SLC9A1: variants seen among roughly 807,000 people sequenced by gnomAD.
The protein encoded by SLC9A1 is sodium/hydrogen exchanger 1.
SLC9A1 carries 22 observed loss-of-function variants against 67.9 expected under a neutral mutation model. The ratio of observed to expected loss-of-function variants is 0.32; its 90% CI spans 0.23 to 0.46. SLC9A1 has a LOEUF of 0.46. Among genes scored for constraint, SLC9A1 ranks in the 20% least tolerant of loss-of-function variants. SLC9A1 has a pLI of 1.00. For synonymous variants in SLC9A1, 421 were observed against 471.8 expected, an observed-to-expected ratio of 0.89 and a Z score of 1.40; for missense variants, 686 against 1,094.8, an observed-to-expected ratio of 0.63 and a Z score of 5.27.
intron 1 of SLC9A1, among the ~76,000 whole-genome samples, chr1:27,131,978 A>ATATATATATATATATATATATAT (rs1491404048): frequency 1.4e-5 from 2 of 142,078 alleles, no homozygotes; most frequent in Admixed American, 7.0e-5. Context: ...ATATATATAT[A>ATATATATATATATATATATATAT]AAATTATGGC....
At chr1:27,107,496 A>C in intron 4 of SLC9A1, 152 bp downstream of exon 4, 1 of 656,038 alleles carries the variant, frequency 1.5e-6, no homozygotes, top group Non-Finnish European at 2.7e-6. Context: ...CCCTCCACAC[A>C]ATACTTATAC....
In SLC9A1 at chr1:27,102,355, C is replaced by G. The variant is rs769878515; in HGVS notation, c.1820+30G>C. On this transcript the variant is annotated intron_variant, in intron 8 of 11. Transcript: ENST00000263980. ...GGCTTGAGGGGCCGGTGTGTGGGAG[C>G]AGAAGCTGCCTGGTTGCCCCAGCAC... is the stretch of plus-strand genomic sequence containing the variant. 4 of 1,563,106 alleles carry G rather than the reference C, an allele frequency of 2.6e-6. No individual in the cohort carries two copies. In the African/African-American group the frequency reaches 5.4e-5, roughly 21 times the overall value.
At chr1:27,103,407 G>C in intron 5 of SLC9A1, 95 bp from the exon 6 acceptor site, 2 of 869,426 alleles carry the variant, frequency 2.3e-6, no homozygotes, top group Non-Finnish European at 4.0e-6. Context: ...CCAAGGCTAG[G>C]ATGCCCTCTC....
chr1:27,111,190 G>A lies in SLC9A1; in HGVS notation c.814-1413C>T, dbSNP rs564293446. 9.2e-5 allele frequency among the ~76,000 whole-genome samples: 14 copies of A among 152,242 alleles called. No individual in the cohort carries two copies. The East Asian group carries it at 1.4e-3, about 15-fold the overall frequency. On this transcript the variant is annotated intron_variant, in intron 2 of 11. Transcript: ENST00000263980. ...CGGCAGACAGCCTCTTAGCAGGTGC[G>A]TACTCAGCCGTGGGCTAAACTCATT... is the stretch of plus-strand genomic sequence containing the variant.
Position 27,102,549 on chromosome 1 carries a change from C to T in SLC9A1, c.1656G>A (p.Arg552=), listed in dbSNP as rs1570843114. 6.2e-7 allele frequency: 1 copy of T among 1,607,172 alleles called. No homozygotes were observed. Among genetic ancestry groups the T allele is most frequent in the Non-Finnish European group, 8.5e-7 (1 of 1,174,728 alleles). ...GHHHWKDKLN[R]FNKKYVKKCL... ...ACTTCTTCACATATTTCTTATTAAA[C>T]CGGTTGAGCCTGGTGGGAGGAGGAG... Residue 552 remains arginine, a synonymous_variant, in exon 8 of 12, where the codon CGG becomes CGA. Coordinates refer to ENST00000263980, the MANE Select transcript of SLC9A1 (RefSeq NM_003047.5).
chr1:27,101,795 G>C lies in SLC9A1; in HGVS notation c.1967C>G (p.Ala656Gly). 1 of 1,612,638 alleles carries C rather than the reference G, an allele frequency of 6.2e-7. No homozygotes were observed. The change falls in exon 10 of 12, where the codon GCA becomes GGA. Residue 656 changes from alanine (A) to glycine (G), a missense_variant. By Grantham distance (60) the Ala-to-Gly change is moderately conservative. Around this residue, in one of 7 missense-constraint regions of SLC9A1, gnomAD observed 226 missense variants for 282.4 expected, o/e 0.80. Coordinates refer to ENST00000263980, the MANE Select transcript of SLC9A1 (RefSeq NM_003047.5). The surrounding 1 kb of genome is among the most constrained non-coding windows in gnomAD (Gnocchi z 4.9). ...GTTCCAGGCTTCCTCGTAGGGGTCT[G>C]CCACCAGCGTGTGTCTGTTGTAGGA... ...LRSYNRHTLV[A>G]DPYEEAWNQM...
intron 1 of SLC9A1, among the ~76,000 whole-genome samples, chr1:27,126,554 G>A (rs979704665): frequency 2.0e-5 from 3 of 152,194 alleles, no homozygotes; most frequent in African/African-American, 7.2e-5. Context: ...GTGGCCTGCA[G>A]AGCCTGGGAC....
chr1:27,102,060 TCTC>T lies in SLC9A1; in HGVS notation c.1888_1890del (p.Glu630del), dbSNP rs2083150031. On this transcript the variant is annotated inframe_deletion, in exon 9 of 12. Coordinates refer to ENST00000263980, the MANE Select transcript of SLC9A1 (RefSeq NM_003047.5). ...AAGTTGTTCCTCAGGATTTTGCGGA[TCTC>T]CTCCTCCTTGTCCTTGGACAGTGCT... 1 of 1,614,004 alleles carries T rather than the reference TCTC, an allele frequency of 6.2e-7. No homozygotes were observed. Among genetic ancestry groups the T allele is most frequent in the Non-Finnish European group, 8.5e-7 (1 of 1,179,966 alleles).
intron 1 of SLC9A1, among the ~76,000 whole-genome samples, chr1:27,148,129 T>C (rs912382034): frequency 1.3e-5 from 2 of 152,188 alleles, no homozygotes; most frequent in South Asian, 2.1e-4. Context: ...ATGTTTTCCA[T>C]TGTAATCATT....
chr1:27,139,984 G>A (rs2083444163), intron 1 of SLC9A1, among the ~76,000 whole-genome samples: 1 of 151,946 alleles, frequency 6.6e-6, no homozygotes, highest in South Asian at 2.1e-4. Flanking sequence ...GTAGAGATGA[G>A]CTTTCACCAT....
intron 1 of SLC9A1, among the ~76,000 whole-genome samples, chr1:27,123,662 C>G (rs2083320566): frequency 6.6e-6 from 1 of 150,888 alleles, no homozygotes; most frequent in South Asian, 2.1e-4. Flanking sequence ...AGGTGCCCAC[C>G]ACCACACCTG....
At chr1:27,113,772 C>G in intron 2 of SLC9A1, 54 bp downstream of exon 2, 1 of 1,356,888 alleles carries the variant, frequency 7.4e-7, no homozygotes, top group Non-Finnish European at 1.0e-6. Context: ...CACTGGTGGG[C>G]CTGGATTTGG....
At chr1:27,127,094 G>T (rs747329297) in intron 1 of SLC9A1, among the ~76,000 whole-genome samples, 1 of 152,120 alleles carries the variant, frequency 6.6e-6, no homozygotes, top group Non-Finnish European at 1.5e-5. Context: ...TTGACTTCCT[G>T]GGCTCAAGTG....
At position 27,101,666 on chromosome 1, in the gene SLC9A1, G is replaced by T. The variant is rs950418727; in HGVS notation, c.2037+59C>A. The T allele has an allele frequency of 5.7e-6, 7 of 1,218,420 alleles. No individual in the cohort carries two copies. The highest frequency in any genetic ancestry group is 8.4e-6 in the Non-Finnish European group (7 of 836,054). 75.5% of individuals were successfully genotyped at this position (1,218,420 alleles called of 1,614,324 possible). Reference sequence around the variant, plus strand: ...GAATGGGTACATTTCCTTAGAGGCTGTGGCGGAGCTTGGGCGAGTGGGGTG... The same window carrying T: ...GAATGGGTACATTTCCTTAGAGGCTTTGGCGGAGCTTGGGCGAGTGGGGTG... On this transcript the variant is annotated intron_variant, in intron 10 of 11. Coordinates refer to ENST00000263980, the MANE Select transcript of SLC9A1 (RefSeq NM_003047.5). The surrounding 1 kb of genome is among the most constrained non-coding windows in gnomAD (Gnocchi z 4.9).
chr1:27,117,276 C>T (rs941097083), intron 1 of SLC9A1, among the ~76,000 whole-genome samples: 2 of 152,206 alleles, frequency 1.3e-5, no homozygotes, highest in Non-Finnish European at 2.9e-5. Flanking sequence ...AGCACCTTCC[C>T]AAGGCCGGAA....
intron 1 of SLC9A1, among the ~76,000 whole-genome samples, chr1:27,152,237 G>A (rs2083533409): frequency 6.6e-6 from 1 of 152,194 alleles, no homozygotes. Context: ...AGGCCTGCAG[G>A]GACAAACTTC....
intron 1 of SLC9A1, among the ~76,000 whole-genome samples, chr1:27,142,897 C>T (rs1270373186): frequency 6.6e-6 from 1 of 152,052 alleles, no homozygotes; most frequent in Non-Finnish European, 1.5e-5. Flanking sequence ...CACAGGCAAA[C>T]CCCACTCATC....
rs1441634042 is a variant in SLC9A1, at chr1:27,137,329, C to T, written c.352+16654G>A. Among the ~76,000 whole-genome samples the T allele has an allele frequency of 1.3e-5, 2 of 152,228 alleles. No individual in the cohort carries two copies. The highest frequency in any genetic ancestry group is 4.8e-5 in the African/African-American group (2 of 41,452). ...CTGGACTAGAGGTCGGGGAGCTGAG[C>T]TCAATGCAGCTCTGTGGCCCTTAAG... On this transcript the variant is annotated intron_variant, in intron 1 of 11. Coordinates refer to ENST00000263980, the MANE Select transcript of SLC9A1 (RefSeq NM_003047.5). This position sits in a 1 kb window ranked among gnomAD's most constrained non-coding sequence, Gnocchi z 4.6.
At chr1:27,136,597 G>A (rs971954266) in intron 1 of SLC9A1, among the ~76,000 whole-genome samples, 1 of 151,988 alleles carries the variant, frequency 6.6e-6, no homozygotes, top group Admixed American at 6.5e-5. Context: ...TCCCAGCCCT[G>A]CCCAGGCTTC....
Sources: allele counts gnomAD v4.1 joint callset (sites outside exome capture counted in the v4.1 genomes callset), GRCh38; gene constraint gnomAD v4.1.1; regional missense constraint gnomAD v4.1.1; non-coding constraint Gnocchi (gnomAD v3.1); transcripts MANE v1.5; gene names NCBI Gene and HGNC (gene_info 2026-07-23, HGNC 2026-07-21).